SERPINA10: variants seen among roughly 807,000 people sequenced by gnomAD.
The protein encoded by SERPINA10 is serpin family A member 10.
A neutral mutation model predicts 28.0 loss-of-function variants in SERPINA10; 24 were observed. That is an observed-to-expected ratio of 0.86 (90% CI 0.62 to 1.20). The LOEUF (loss-of-function observed/expected upper bound fraction) is 1.20. Ranked by LOEUF, SERPINA10 falls within the 50% of genes most tolerant of loss-of-function variation. The probability of loss-of-function intolerance (pLI) is 0.00; values close to 1 mark genes in which losing one functional copy is unlikely to be tolerated. For missense variants in SERPINA10, 521 were observed against 537.7 expected (o/e 0.97, Z 0.31); for synonymous variants, 207 against 203.9 (o/e 1.02, Z -0.13).
At chr14:94,289,166 A>C (rs1391582787) in intron 2 of SERPINA10, among the ~76,000 whole-genome samples, 1 of 152,170 alleles carries the variant, frequency 6.6e-6, no homozygotes, top group African/African-American at 2.4e-5. Flanking sequence ...GGGCTTTGTA[A>C]GTCTGGTGCC....
In SERPINA10 at chr14:94,290,246, G is replaced by A. The variant is rs1203919607; in HGVS notation, c.348C>T (p.Ala116=). 1 of 1,613,992 alleles carries A rather than the reference G, an allele frequency of 6.2e-7. No homozygotes were observed. The highest frequency in any genetic ancestry group is 8.5e-7 in the Non-Finnish European group (1 of 1,179,958). ...SLAMTGLMLG[A]TGPTETQIKR... Reference sequence around the variant, plus strand: ...TGATCTGGGTTTCAGTCGGCCCTGTGGCCCCCAGCATCAAGCCTGTCATGG... The same window carrying A: ...TGATCTGGGTTTCAGTCGGCCCTGTAGCCCCCAGCATCAAGCCTGTCATGG... The change falls in exon 2 of 5, where the codon GCC becomes GCT. Residue 116 remains alanine, a synonymous_variant. Coordinates refer to ENST00000261994, the MANE Select transcript of SERPINA10 (RefSeq NM_001100607.3).
rs1895019708 is a variant in SERPINA10 at position 94,286,205 on chromosome 14, T to C, written c.1046A>G (p.His349Arg). The C allele has an allele frequency of 2.5e-6, 4 of 1,614,162 alleles. No homozygotes were observed. The highest frequency in any genetic ancestry group is 2.7e-5 in the African/African-American group (2 of 75,058). The change falls in exon 4 of 5, where the codon CAT (histidine) becomes CGT (arginine). Residue 349 changes from histidine (H) to arginine (R), a missense_variant. His to Arg is a conservative substitution (Grantham distance 29). Transcript: ENST00000261994. ...KFKLDQKYEM[H>R]ELLRQMGIRR... ...GATTCCCATCTGCCTAAGCAGCTCA[T>C]GCATCTCATACTTCTGATCTAGCTT...
intron 1 of SERPINA10, chr14:94,292,517 C>T: frequency 1.4e-6 from 1 of 693,000 alleles, no homozygotes; most frequent in South Asian, 1.5e-5. Context: ...CAGAATACTC[C>T]TGAATTCAAG....
rs1414987413 is a variant in SERPINA10, at chr14:94,282,747, T to C, written c.*1218A>G. ...ATTGCCATATGCTAGACATATAACT[T>C]TGAAGCTAGATATGCAACTTTGAAA... On this transcript the variant is annotated 3_prime_UTR_variant, in exon 5 of 5. Coordinates refer to ENST00000261994, the MANE Select transcript of SERPINA10 (RefSeq NM_001100607.3). 1 of 152,222 alleles carries C rather than the reference T, an allele frequency of 6.6e-6. No homozygotes were observed. The highest frequency in any genetic ancestry group is 2.4e-5 in the African/African-American group (1 of 41,466). The allele number at this position is 152,222 out of a possible 1,614,324, so 9.4% of individuals were successfully genotyped here. A position where few individuals can be genotyped will look rare whatever the true frequency, so the allele number is the denominator to read the frequency against.
chr14:94,289,783 G>T (rs1417493216), intron 2 of SERPINA10, 93 bp downstream of exon 2: 3 of 1,304,446 alleles, frequency 2.3e-6, no homozygotes, highest in Middle Eastern at 3.6e-4. Context: ...AGAAAATCAC[G>T]TAGCGTTAAT....
intron 4 of SERPINA10, among the ~76,000 whole-genome samples, chr14:94,285,395 T>C (rs2139692181): frequency 6.6e-6 from 1 of 151,926 alleles, no homozygotes; most frequent in Non-Finnish European, 1.5e-5. Flanking sequence ...TTAGAAGTTT[T>C]AGAGATAGAA....
intron 4 of SERPINA10, among the ~76,000 whole-genome samples, chr14:94,284,578 C>T (rs960383791): frequency 1.3e-5 from 2 of 152,170 alleles, no homozygotes; most frequent in Non-Finnish European, 1.5e-5. Flanking sequence ...AAGGTGGAGG[C>T]AGGGAATGGC....
intron 4 of SERPINA10, 129 bp downstream of exon 4, chr14:94,285,979 G>A: frequency 5.3e-6 from 6 of 1,139,086 alleles, no homozygotes; most frequent in Non-Finnish European, 7.7e-6. Context: ...GCTATTTCAA[G>A]TATTTGGGAC....
At chr14:94,292,913 C>T (rs1046854944) in intron 1 of SERPINA10, 17 of 523,252 alleles carry the variant, frequency 3.2e-5, no homozygotes, top group East Asian at 1.5e-4. Context: ...CTGCTTACTC[C>T]GGCAGTGAGT....
chr14:94,286,390 C>T (rs1158744334), intron 3 of SERPINA10, 132 bp from the exon 4 acceptor site: 1 of 967,308 alleles, frequency 1.0e-6, no homozygotes, highest in Non-Finnish European at 1.6e-6. Context: ...TAGTTCATGC[C>T]ATTCTTTTAC....
At chr14:94,288,962 A>G (rs1384892193) in intron 2 of SERPINA10, among the ~76,000 whole-genome samples, 1 of 152,214 alleles carries the variant, frequency 6.6e-6, no homozygotes, top group Non-Finnish European at 1.5e-5. Context: ...ACTTTGTCTC[A>G]TTCACACCAG....
rs1277028567 is a variant in SERPINA10, at chr14:94,282,491, A to G, written c.*1474T>C. On this transcript the variant is annotated 3_prime_UTR_variant, in exon 5 of 5. Transcript: ENST00000261994. ...TAACCCCCATGGGTAGCTGTAGTGCATGCTGTTTACCTGGTCCCCATCAGA... is the reference window on the plus strand; with the variant it reads ...TAACCCCCATGGGTAGCTGTAGTGCGTGCTGTTTACCTGGTCCCCATCAGA... The G allele has an allele frequency of 2.0e-5, 3 of 152,162 alleles. No individual in the cohort carries two copies. The allele number at this position is 152,162 out of a possible 1,614,324, so 9.4% of individuals were successfully genotyped here.
chr14:94,285,238 A>C (rs1475398374), intron 4 of SERPINA10, among the ~76,000 whole-genome samples: 1 of 152,178 alleles, frequency 6.6e-6, no homozygotes, highest in African/African-American at 2.4e-5. Flanking sequence ...GGCATTAGTG[A>C]ACATGGGCCA....
At chr14:94,286,730 T>G (rs1391302478) in intron 3 of SERPINA10, among the ~76,000 whole-genome samples, 1 of 152,208 alleles carries the variant, frequency 6.6e-6, no homozygotes, top group East Asian at 1.9e-4. Context: ...AGTCCTCCTT[T>G]GAAAATATGT....
chr14:94,291,939 G>A (rs1841917916), intron 1 of SERPINA10, among the ~76,000 whole-genome samples: 1 of 152,194 alleles, frequency 6.6e-6, no homozygotes. Context: ...CCTCTCCCCT[G>A]TAGAAGCAGT....
intron 2 of SERPINA10, among the ~76,000 whole-genome samples, chr14:94,289,576 C>T (rs1895108695): frequency 6.6e-6 from 1 of 150,862 alleles, no homozygotes; most frequent in South Asian, 2.1e-4. Context: ...ATCCTAAATC[C>T]CCCAGATAAT....
chr14:94,292,003 C>T (rs1895190418), intron 1 of SERPINA10, among the ~76,000 whole-genome samples: 1 of 152,164 alleles, frequency 6.6e-6, no homozygotes, highest in Non-Finnish European at 1.5e-5. Flanking sequence ...CTCTTTTTGA[C>T]TCTAAATGGC....
At chr14:94,285,486 T>C (rs977434565) in intron 4 of SERPINA10, among the ~76,000 whole-genome samples, 5 of 149,184 alleles carry the variant, frequency 3.4e-5, no homozygotes, top group Non-Finnish European at 4.4e-5. Context: ...TCTCTCTCCA[T>C]ATATATATAT....
At chr14:94,286,316 C>A (rs1595564032) in intron 3 of SERPINA10, 58 bp from the exon 4 acceptor site, 1 of 1,589,652 alleles carries the variant, frequency 6.3e-7, no homozygotes, top group South Asian at 1.1e-5. Context: ...CTGTGGACAC[C>A]AAAAAGGTCA....
Sources: allele counts gnomAD v4.1 joint callset (sites outside exome capture counted in the v4.1 genomes callset), GRCh38; gene constraint gnomAD v4.1.1; transcripts MANE v1.5; gene names NCBI Gene and HGNC (gene_info 2026-07-23, HGNC 2026-07-21).